Variants in ATCAY observed in about 807,000 individuals in gnomAD.
The protein encoded by ATCAY is ATCAY kinesin light chain interacting caytaxin, also known as caytaxin.
A neutral mutation model predicts 47.7 loss-of-function variants in ATCAY; 22 were observed. That is an observed-to-expected ratio of 0.46 (90% confidence interval 0.33 to 0.66). The LOEUF (loss-of-function observed/expected upper bound fraction) is 0.66, where lower values mean the gene tolerates loss of function less well. ATCAY is among the 30% of genes least tolerant of loss of function. The pLI, the probability that ATCAY is intolerant of heterozygous loss-of-function variation, is 0.02. For synonymous variants in ATCAY, 216 were observed against 207.6 expected (o/e 1.04, Z -0.35); for missense variants, 452 against 515.0 (o/e 0.88, Z 1.18).
chr19:3,907,679 G>C lies in ATCAY; in HGVS notation c.359-55G>C. ...GAGGGGAAGGAAGGCTGAGCAGGAG[G>C]GCAGGAGATATCCGGACTCTGGCGT... On this transcript the variant is annotated intron_variant, in intron 4 of 12. Coordinates refer to ENST00000450849, the MANE Select transcript of ATCAY (RefSeq NM_033064.5). This position sits in a 1 kb window ranked among gnomAD's most constrained non-coding sequence, Gnocchi z 5.1. The C allele has an allele frequency of 1.2e-6, 2 of 1,600,754 alleles. No homozygotes were observed. Among genetic ancestry groups the C allele is most frequent in the Non-Finnish European group, 8.5e-7 (1 of 1,171,610 alleles).
At chr19:3,906,014 AC>A (rs1182016973) in intron 4 of ATCAY, among the ~76,000 whole-genome samples, 1 of 151,944 alleles carries the variant, frequency 6.6e-6, no homozygotes, top group Non-Finnish European at 1.5e-5. Context: ...CTACTAAAAT[AC>A]AAAAAATTAG....
chr19:3,910,707 C>G (rs1031294020), intron 7 of ATCAY, 96 bp from the exon 8 acceptor site: 83 of 1,243,070 alleles, frequency 6.7e-5, no homozygotes, highest in Admixed American at 3.1e-4. Context: ...AGCAGAGTGA[C>G]GAATGCTTGC....
At chr19:3,901,866 G>C (rs1319315211) in intron 2 of ATCAY, among the ~76,000 whole-genome samples, 2 of 152,096 alleles carry the variant, frequency 1.3e-5, no homozygotes, top group African/African-American at 4.8e-5. Context: ...ATGGTAGCGG[G>C]CACCTGTAGT....
chr19:3,920,798 G>C lies in ATCAY; in HGVS notation c.1106G>C (p.Ser369Thr). 6.2e-7 allele frequency: 1 copy of C among 1,613,748 alleles called. No individual in the cohort carries two copies. Among genetic ancestry groups the C allele is most frequent in the Non-Finnish European group, 8.5e-7 (1 of 1,179,760 alleles). The change falls in exon 12 of 13, where the codon AGC (serine) becomes ACC (threonine). Residue 369 changes from serine to threonine, a missense_variant and splice_region_variant. By Grantham distance (58) the Ser-to-Thr change is moderately conservative. Coordinates refer to ENST00000450849, the MANE Select transcript of ATCAY (RefSeq NM_033064.5). ...CTGGTCTCAGAAGATCAGGAAACAA[G>C]GTGGGTGTGATGCAGAGTGGTCTTC... is the stretch of plus-strand genomic sequence containing the variant. Reference protein sequence around the residue: ...SALVSEDQETSMS With the variant: ...SALVSEDQETTMS
chr19:3,898,469 G>A (rs1364996772), intron 2 of ATCAY, among the ~76,000 whole-genome samples: 1 of 152,184 alleles, frequency 6.6e-6, no homozygotes, highest in African/African-American at 2.4e-5. Context: ...ACAGGCATAA[G>A]CCACCACACT....
intron 1 of ATCAY, among the ~76,000 whole-genome samples, chr19:3,885,130 A>AC (rs1270614999): frequency 6.7e-6 from 1 of 150,188 alleles, no homozygotes. Context: ...AAAAAAAAAA[A>AC]AAAAACAGCC....
chr19:3,900,382 T>TA, intron 2 of ATCAY, among the ~76,000 whole-genome samples: 1 of 151,952 alleles, frequency 6.6e-6, no homozygotes, highest in East Asian at 1.9e-4. Flanking sequence ...GAGACAGAGT[T>TA]ACGCCATGTT....
chr19:3,890,247 ATTTTTTTTT>A (rs764697276), intron 2 of ATCAY, among the ~76,000 whole-genome samples: 32 of 38,568 alleles, frequency 8.3e-4, no homozygotes, highest in South Asian at 6.3e-3. Flanking sequence ...TCCACCTATA[ATTTTTTTTT>A]TTTTTTTTTT....
chr19:3,902,570 G>A (rs2145239719), intron 3 of ATCAY, 25 bp downstream of exon 3: 3 of 1,555,364 alleles, frequency 1.9e-6, no homozygotes, highest in South Asian at 1.2e-5. Flanking sequence ...CCACAGAAGG[G>A]CGGAAACAGG....
intron 3 of ATCAY, 102 bp downstream of exon 3, chr19:3,902,647 G>A (rs972302393): frequency 2.5e-5 from 32 of 1,291,210 alleles, no homozygotes; most frequent in African/African-American, 1.3e-4. Flanking sequence ...GCCACACACC[G>A]TGGGTAGAAT....
intron 1 of ATCAY, among the ~76,000 whole-genome samples, chr19:3,885,099 T>G (rs2038636225): frequency 5.8e-5 from 6 of 104,280 alleles, no homozygotes; most frequent in South Asian, 2.9e-4. Context: ...CAAGATCATG[T>G]TTTTTTTTTT....
chr19:3,913,387 G>A (rs1029364605), intron 8 of ATCAY, among the ~76,000 whole-genome samples: 1 of 152,166 alleles, frequency 6.6e-6, no homozygotes, highest in African/African-American at 2.4e-5. Context: ...GACATGGAGA[G>A]AAAGCATCCC....
chr19:3,910,792 G>A lies in ATCAY; in HGVS notation c.780-11G>A. On this transcript the variant is annotated splice_polypyrimidine_tract_variant and intron_variant, in intron 7 of 12. Transcript: ENST00000450849. ...AGGAGCCCATCTTGCTTCCTTTGCG[G>A]CCCCACACAGGTTGCGGAAAAACCT... 3 of 1,613,986 alleles carry A rather than the reference G, an allele frequency of 1.9e-6. No individual in the cohort carries two copies. Among genetic ancestry groups the A allele is most frequent in the Non-Finnish European group, 2.5e-6 (3 of 1,179,880 alleles).
At chr19:3,885,351 C>T (rs1322294671) in intron 1 of ATCAY, among the ~76,000 whole-genome samples, 3 of 151,056 alleles carry the variant, frequency 2.0e-5, no homozygotes, top group Admixed American at 6.6e-5. Flanking sequence ...GTCAGGAGTT[C>T]GAGACCAGCC....
intron 2 of ATCAY, chr19:3,894,984 A>G (rs2038754939): frequency 2.9e-6 from 1 of 345,340 alleles, no homozygotes; most frequent in Non-Finnish European, 5.7e-6. Context: ...TGCCTCCTCA[A>G]TGAGGCCTTC....
At chr19:3,916,692 CA>C (rs1244528980) in intron 9 of ATCAY, among the ~76,000 whole-genome samples, 3 of 151,956 alleles carry the variant, frequency 2.0e-5, no homozygotes, top group Non-Finnish European at 4.4e-5. Flanking sequence ...GATGGGGTTT[CA>C]CCATGTTGGC....
Position 3,913,842 on chromosome 19 carries a change from A to G in ATCAY, c.951A>G (p.Pro317=). The G allele has an allele frequency of 6.2e-7, 1 of 1,613,600 alleles. No individual in the cohort carries two copies. Among genetic ancestry groups the G allele is most frequent in the Non-Finnish European group, 8.5e-7 (1 of 1,179,726 alleles). The change falls in exon 9 of 13, where the codon CCA becomes CCG. Residue 317 remains proline (P), a synonymous_variant. Coordinates refer to ENST00000450849, the MANE Select transcript of ATCAY (RefSeq NM_033064.5). The stretch of plus-strand genomic sequence containing the variant: ...TCCCTATGGAACACGTCCAGATCCC[A>G]GACTGCGTCCTGCAGTGAGTGGCCC... ...QLIPMEHVQI[P]DCVLQYEEER... is the part of the protein sequence containing the mutation.
At chr19:3,889,099 G>A (rs777398313) in intron 2 of ATCAY, among the ~76,000 whole-genome samples, 2 of 152,030 alleles carry the variant, frequency 1.3e-5, no homozygotes, top group African/African-American at 4.8e-5. Context: ...GCAAGACCTC[G>A]TCTCTTAAAA....
chr19:3,909,893 C>T (rs547136431), intron 7 of ATCAY, among the ~76,000 whole-genome samples: 3 of 152,200 alleles, frequency 2.0e-5, no homozygotes, highest in South Asian at 2.1e-4. Flanking sequence ...AAGACCAGCC[C>T]GGCCAACATA....
Sources: gnomAD v4.1 joint callset for allele counts (sites outside exome capture counted in the v4.1 genomes callset) on GRCh38, gnomAD v4.1.1 for gene constraint, Gnocchi (gnomAD v3.1) non-coding constraint, MANE v1.5 for transcripts, NCBI Gene and HGNC (gene_info 2026-07-23, HGNC 2026-07-21) for gene names.